The following ATRNL1 variants were observed in gnomAD, a reference collection of about 807,000 sequenced individuals.
ATRNL1 encodes attractin like 1, also known as attractin-like protein 1.
In ATRNL1, 95 loss-of-function variants were observed where a neutral mutation model predicts 182.7. The ratio of observed to expected loss-of-function variants is 0.52; its 90% CI spans 0.44 to 0.62. The LOEUF is 0.62. ATRNL1 is among the 20% of genes least tolerant of loss of function. The probability of loss-of-function intolerance (pLI) is 0.00; values close to 1 mark genes in which losing one functional copy is unlikely to be tolerated. For synonymous variants in ATRNL1, 576 were observed against 568.3 expected, an observed-to-expected ratio of 1.01 and a Z score of -0.19; for missense variants, 1,471 against 1,679.5, an observed-to-expected ratio of 0.88 and a Z score of 2.17.
chr10:115,760,656 ATTATTC>A (rs1261778870), intron 27 of ATRNL1, among the ~76,000 whole-genome samples: 1 of 152,190 alleles, frequency 6.6e-6, no homozygotes, highest in Non-Finnish European at 1.5e-5. Flanking sequence ...AAAAAACAAT[ATTATTC>A]TTATTAGCTA....
At chr10:115,859,811 C>A (rs972208885) in intron 28 of ATRNL1, among the ~76,000 whole-genome samples, 1 of 152,044 alleles carries the variant, frequency 6.6e-6, no homozygotes, top group African/African-American at 2.4e-5. Context: ...GGTGGAGGAG[C>A]AAGTGCCAGC....
intron 19 of ATRNL1, among the ~76,000 whole-genome samples, chr10:115,351,442 GT>G (rs1171593603): frequency 1.4e-3 from 207 of 150,880 alleles, no homozygotes; most frequent in African/African-American, 4.7e-3. Context: ...TTTTTTGAGA[GT>G]TTTTTTTTAA....
intron 26 of ATRNL1, among the ~76,000 whole-genome samples, chr10:115,688,596 G>C (rs1047117336): frequency 2.6e-5 from 4 of 151,984 alleles, no homozygotes; most frequent in African/African-American, 9.7e-5. Context: ...TATACCCATT[G>C]GCCATCTTTA....
At chr10:115,205,301 G>A (rs1564819391) in intron 8 of ATRNL1, among the ~76,000 whole-genome samples, 1 of 151,502 alleles carries the variant, frequency 6.6e-6, no homozygotes, top group Non-Finnish European at 1.5e-5. Flanking sequence ...TTTCAATGTG[G>A]CAGATGTTGC....
At chr10:115,870,512 C>G (rs1951554944) in intron 28 of ATRNL1, among the ~76,000 whole-genome samples, 1 of 152,178 alleles carries the variant, frequency 6.6e-6, no homozygotes, top group African/African-American at 2.4e-5. Context: ...TTGAGGTAAG[C>G]ACTGGTTATC....
chr10:115,468,476 C>T (rs1848160539), intron 23 of ATRNL1, among the ~76,000 whole-genome samples: 2 of 150,738 alleles, frequency 1.3e-5, no homozygotes, highest in African/African-American at 4.8e-5. Context: ...ACGCAGTATA[C>T]TAATTCTAAT....
chr10:115,320,532 T>G (rs1680023412), intron 18 of ATRNL1, among the ~76,000 whole-genome samples: 1 of 152,234 alleles, frequency 6.6e-6, no homozygotes, highest in African/African-American at 2.4e-5. Context: ...GGTACTCCAA[T>G]CAATTGCAAG....
At chr10:115,138,989 A>G (rs147946767) in intron 5 of ATRNL1, among the ~76,000 whole-genome samples, 298 of 152,224 alleles carry the variant, frequency 2.0e-3, no homozygotes, top group African/African-American at 6.7e-3. Context: ...GATACCCTAA[A>G]TCATCTTTCT....
At chr10:115,628,871 T>C (rs1382040468) in intron 26 of ATRNL1, among the ~76,000 whole-genome samples, 2 of 152,188 alleles carry the variant, frequency 1.3e-5, no homozygotes, top group African/African-American at 4.8e-5. Flanking sequence ...CAATCTAATA[T>C]ATCCAGTTGT....
chr10:115,903,408 C>T (rs1952411532), intron 28 of ATRNL1, among the ~76,000 whole-genome samples: 1 of 152,156 alleles, frequency 6.6e-6, no homozygotes, highest in South Asian at 2.1e-4. Flanking sequence ...TCCAGTCTCT[C>T]CCTCCCCCTG....
At chr10:115,470,530 C>G (rs1848257463) in intron 24 of ATRNL1, among the ~76,000 whole-genome samples, 1 of 150,450 alleles carries the variant, frequency 6.6e-6, no homozygotes, top group Non-Finnish European at 1.5e-5. Context: ...AAGGGTTCAT[C>G]TATAGCACTT....
chr10:115,242,941 G>T (rs151134874), intron 10 of ATRNL1, among the ~76,000 whole-genome samples: 2 of 152,210 alleles, frequency 1.3e-5, no homozygotes, highest in African/African-American at 4.8e-5. Flanking sequence ...TGGGTTGAAT[G>T]AAGTACTGAA....
At chr10:115,455,305 AGAAC>A (rs1443713496) in intron 21 of ATRNL1, among the ~76,000 whole-genome samples, 2 of 152,134 alleles carry the variant, frequency 1.3e-5, no homozygotes, top group Non-Finnish European at 2.9e-5. Context: ...CCAATGGAAC[AGAAC>A]AGAGGCCTCA....
chr10:115,221,284 G>T lies in ATRNL1; in HGVS notation c.1532+5404G>T, dbSNP rs561005164. Reference sequence around the variant, plus strand: ...GAGAACCCTGGGATTATATTGTATAGGATGTCACCATTATGTGTCCATTAT... The same window carrying T: ...GAGAACCCTGGGATTATATTGTATATGATGTCACCATTATGTGTCCATTAT... On this transcript the variant is annotated intron_variant, in intron 9 of 28. Coordinates refer to ENST00000355044, the MANE Select transcript of ATRNL1 (RefSeq NM_207303.4). 1.1e-3 allele frequency among the ~76,000 whole-genome samples: 162 copies of T among 152,254 alleles called. 1 individual carries two copies. The highest frequency in any genetic ancestry group is 3.6e-3 in the African/African-American group (151 of 41,550).
chr10:115,512,153 G>A (rs1309382435), intron 24 of ATRNL1, among the ~76,000 whole-genome samples: 2 of 151,788 alleles, frequency 1.3e-5, no homozygotes, highest in East Asian at 3.9e-4. Flanking sequence ...TCTAGCCATG[G>A]CATCAACAAA....
intron 27 of ATRNL1, among the ~76,000 whole-genome samples, chr10:115,779,684 A>G (rs1949215363): frequency 6.6e-6 from 1 of 152,216 alleles, no homozygotes; most frequent in South Asian, 2.1e-4. Context: ...TTGTGCCTAA[A>G]TAACTATAAA....
At chr10:115,833,719 A>G (rs571109845) in intron 27 of ATRNL1, among the ~76,000 whole-genome samples, 37 of 152,198 alleles carry the variant, frequency 2.4e-4, no homozygotes, top group Non-Finnish European at 4.6e-4. Flanking sequence ...GAGAGTTAAG[A>G]AACATGCCCA....
At chr10:115,553,304 G>A (rs564854067) in intron 26 of ATRNL1, among the ~76,000 whole-genome samples, 1 of 151,416 alleles carries the variant, frequency 6.6e-6, no homozygotes, top group South Asian at 2.1e-4. Context: ...ATAGGCAAAG[G>A]AAGGGTTATT....
intron 19 of ATRNL1, among the ~76,000 whole-genome samples, chr10:115,359,217 G>A (rs1856631916): frequency 6.6e-6 from 1 of 151,512 alleles, no homozygotes; most frequent in Non-Finnish European, 1.5e-5. Context: ...ACATCTTTAT[G>A]AGAGAATTTT....
Sources: allele counts gnomAD v4.1 joint callset (sites outside exome capture counted in the v4.1 genomes callset), GRCh38; gene constraint gnomAD v4.1.1; transcripts MANE v1.5; gene names NCBI Gene and HGNC (gene_info 2026-07-23, HGNC 2026-07-21).